The following NAV2 variants were observed in gnomAD, a reference collection of about 807,000 sequenced individuals.
NAV2 encodes the protein neuron navigator 2, also known as helicase, APC down-regulated 1.
NAV2 carries 54 observed loss-of-function variants against 223.2 expected under a neutral mutation model. The observed-to-expected ratio is 0.24, with a 90% CI of 0.19 to 0.30. The LOEUF is 0.30. Among genes scored for constraint, NAV2 ranks in the 10% least tolerant of loss-of-function variants. NAV2 has a pLI of 1.00. For synonymous variants in NAV2, 1,279 were observed against 1,239.3 expected (o/e 1.03, Z -0.67); for missense variants, 2,806 against 3,147.5 (o/e 0.89, Z 2.60).
intron 24 of NAV2, among the ~76,000 whole-genome samples, chr11:20,079,012 A>T (rs1168158922): frequency 1.3e-5 from 2 of 152,164 alleles, no homozygotes; most frequent in African/African-American, 4.8e-5. Context: ...TGTACTGATG[A>T]GGACACTAGT....
chr11:19,374,068 G>T (rs1848559406), intron 1 of NAV2, among the ~76,000 whole-genome samples: 1 of 152,276 alleles, frequency 6.6e-6, no homozygotes, highest in Admixed American at 6.5e-5. Flanking sequence ...AACTCAGTAT[G>T]TACATTTTAT....
At chr11:19,592,186 T>G (rs2046080110) in intron 1 of NAV2, among the ~76,000 whole-genome samples, 1 of 152,134 alleles carries the variant, frequency 6.6e-6, no homozygotes, top group Non-Finnish European at 1.5e-5. Flanking sequence ...TTGACTATCC[T>G]CTGCTTGTCC....
chr11:20,008,094 C>T (rs534664031), intron 11 of NAV2, among the ~76,000 whole-genome samples: 2 of 152,276 alleles, frequency 1.3e-5, no homozygotes, highest in East Asian at 1.9e-4. Context: ...AGGCCAGGCA[C>T]GGTGGCTTAT....
intron 1 of NAV2, among the ~76,000 whole-genome samples, chr11:19,612,012 C>G (rs112957908): frequency 0.014 from 2,062 of 152,354 alleles, 49 homozygotes; most frequent in African/African-American, 0.047. Flanking sequence ...CTTCTGAAAT[C>G]TAGACGGATG....
rs187769217 is a variant in NAV2 at position 19,898,439 on chromosome 11, C to T, written c.931+5845C>T. Among the ~76,000 whole-genome samples, 170 of 152,230 alleles carry T rather than the reference C, an allele frequency of 1.1e-3. 2 individuals are homozygous for T. Among genetic ancestry groups the T allele is most frequent in the African/African-American group, 3.6e-3 (148 of 41,546 alleles). On this transcript the variant is annotated intron_variant, in intron 6 of 37. Transcript: ENST00000349880. ...AATTATTCTTCAGAAGCTCTGTACCCGTACACACATTGATATTACTTTCAA... is the reference window on the plus strand; with the variant it reads ...AATTATTCTTCAGAAGCTCTGTACCTGTACACACATTGATATTACTTTCAA...
intron 11 of NAV2, among the ~76,000 whole-genome samples, chr11:20,025,956 C>T (rs2055024212): frequency 6.6e-6 from 1 of 152,208 alleles, no homozygotes; most frequent in African/African-American, 2.4e-5. Context: ...GAGAGCTGTA[C>T]TTAGGCTACC....
intron 1 of NAV2, among the ~76,000 whole-genome samples, chr11:19,769,063 G>A (rs1278100563): frequency 4.6e-5 from 7 of 152,178 alleles, no homozygotes; most frequent in Non-Finnish European, 1.0e-4. Context: ...CAGGAAAATG[G>A]GACCATGCCA....
At chr11:19,748,125 G>A (rs2053527651) in intron 1 of NAV2, among the ~76,000 whole-genome samples, 1 of 152,216 alleles carries the variant, frequency 6.6e-6, no homozygotes, top group African/African-American at 2.4e-5. Flanking sequence ...CCAGTGGACT[G>A]GTGGAGGCAG....
intron 11 of NAV2, among the ~76,000 whole-genome samples, chr11:19,992,257 C>T (rs1826407033): frequency 6.6e-6 from 1 of 152,084 alleles, no homozygotes; most frequent in Non-Finnish European, 1.5e-5. Context: ...CTCTTTTATG[C>T]TAGTGCCACT....
At chr11:19,446,602 A>G (rs1209074708) in intron 1 of NAV2, among the ~76,000 whole-genome samples, 1 of 152,052 alleles carries the variant, frequency 6.6e-6, no homozygotes, top group East Asian at 1.9e-4. Flanking sequence ...GGGGTTAGCA[A>G]TTGCTTTAGG....
chr11:19,409,396 A>G (rs1227522535), intron 1 of NAV2, among the ~76,000 whole-genome samples: 3 of 152,178 alleles, frequency 2.0e-5, no homozygotes, highest in African/African-American at 7.2e-5. Context: ...CATCACTCCC[A>G]GTCACTCTCT....
chr11:19,807,851 C>A (rs910296742), intron 1 of NAV2, among the ~76,000 whole-genome samples: 2 of 152,216 alleles, frequency 1.3e-5, no homozygotes, highest in Non-Finnish European at 1.5e-5. Context: ...AGTCGTGAAA[C>A]TGACTCTTTG....
At position 19,948,908 on chromosome 11, in the gene NAV2, G is replaced by A. The variant is rs750210713; in HGVS notation, c.2473G>A (p.Ala825Thr). The A allele has an allele frequency of 2.1e-5, 34 of 1,613,922 alleles. No homozygotes were observed. The highest frequency in any genetic ancestry group is 3.3e-4 in the Middle Eastern group (2 of 6,084). ...NTESGRYVYS[A>T]PLRRQLASRG... ...TGAGTCAGGTCGCTATGTGTACTCC[G>A]CCCCTCTGAGAAGGCAGCTGGCCTC... The change falls in exon 10 of 38, where the codon GCC becomes ACC. Residue 825 changes from alanine (A) to threonine (T), a missense_variant. Coordinates refer to ENST00000349880, the MANE Select transcript of NAV2 (RefSeq NM_145117.5).
intron 1 of NAV2, among the ~76,000 whole-genome samples, chr11:19,551,468 C>A (rs532375723): frequency 6.6e-6 from 1 of 152,340 alleles, no homozygotes; most frequent in South Asian, 2.1e-4. Flanking sequence ...TGCTCCCCAG[C>A]CTGAGCCTGC....
intron 7 of NAV2, among the ~76,000 whole-genome samples, chr11:19,939,117 C>A (rs1375657956): frequency 6.6e-6 from 1 of 152,142 alleles, no homozygotes; most frequent in Admixed American, 6.5e-5. Context: ...ATCAATGAGA[C>A]CTTTCATGTC....
intron 10 of NAV2, among the ~76,000 whole-genome samples, chr11:19,980,651 A>T (rs2050212840): frequency 6.6e-6 from 1 of 152,228 alleles, no homozygotes. Flanking sequence ...TCTGTAAATT[A>T]TGCTTTCTTA....
Position 19,546,408 on chromosome 11 carries a change from G to T in NAV2, c.75+195381G>T, listed in dbSNP as rs553885375. Among the ~76,000 whole-genome samples the T allele has an allele frequency of 6.6e-5, 10 of 152,354 alleles. No individual in the cohort carries two copies. The East Asian group carries it at 1.9e-3, about 29-fold the overall frequency. The stretch of plus-strand genomic sequence containing the variant: ...GCTGGGGCCCTGGGTGTGGGGCCCA[G>T]ATGGCAGAGGCTGAGCTGCTGCGGG... On this transcript the variant is annotated intron_variant, in intron 1 of 37. Coordinates refer to the NAV2 transcript ENST00000360655.
rs1187465536 is a variant in NAV2, at chr11:20,090,865, A to G, written c.5499A>G (p.Leu1833=). The stretch of plus-strand genomic sequence containing the variant: ...ATCAGTAACATTCCTCTTTCCCTAG[A>G]ATTTCAGAATGCATGGATAGTGAAG... The part of the protein sequence containing the change: ...PLLRNSHSNS[L]ISECMDSEAE... The change falls in exon 27 of 38, where the codon CTA becomes CTG. Residue 1833 remains leucine, a splice_region_variant and synonymous_variant. Transcript: ENST00000349880. 1 of 1,613,562 alleles carries G rather than the reference A, an allele frequency of 6.2e-7. No individual in the cohort carries two copies.
intron 1 of NAV2, chr11:19,511,087 G>A (rs1254467626): frequency 2.6e-5 from 4 of 152,148 alleles, no homozygotes; most frequent in African/African-American, 7.2e-5. Context: ...GAGGTTCAAG[G>A]GACTCATCAG....
Sources: gnomAD v4.1 joint callset for allele counts (sites outside exome capture counted in the v4.1 genomes callset) on GRCh38, gnomAD v4.1.1 for gene constraint, MANE v1.5 for transcripts, NCBI Gene and HGNC (gene_info 2026-07-23, HGNC 2026-07-21) for gene names.